The following CADM2 variants were observed in gnomAD, a reference collection of about 807,000 sequenced individuals.
CADM2 encodes cell adhesion molecule 2, also known as immunoglobulin superfamily member 4D.
CADM2 carries 12 observed loss-of-function variants against 49.8 expected under a neutral mutation model. The observed-to-expected ratio is 0.24, with a 90% CI of 0.15 to 0.39. The LOEUF (loss-of-function observed/expected upper bound fraction) is 0.39. Ranked by LOEUF, CADM2 falls within the 10% of genes least tolerant of loss-of-function variation. The pLI is 1.00. For synonymous variants in CADM2, 214 were observed against 175.4 expected (o/e 1.22, Z -1.74); for missense variants, 378 against 492.3 (o/e 0.77, Z 2.20).
At chr3:85,945,983 C>T (rs572645571) in intron 7 of CADM2, among the ~76,000 whole-genome samples, 1 of 152,170 alleles carries the variant, frequency 6.6e-6, no homozygotes, top group African/African-American at 2.4e-5. Context: ...AAGAGGAAGT[C>T]AAATTGTCCC....
At chr3:85,446,959 A>G (rs1017984272) in intron 1 of CADM2, among the ~76,000 whole-genome samples, 25 of 142,630 alleles carry the variant, frequency 1.8e-4, no homozygotes, top group Admixed American at 4.3e-4. Flanking sequence ...TGGTAGCTAA[A>G]TATTTAAATG....
chr3:86,006,256 A>G (rs1309865903), intron 8 of CADM2, among the ~76,000 whole-genome samples: 1 of 152,200 alleles, frequency 6.6e-6, no homozygotes, highest in Non-Finnish European at 1.5e-5. Context: ...CCACATTTTC[A>G]AGGAATTAAT....
chr3:85,206,298 T>A, intron 1 of CADM2, among the ~76,000 whole-genome samples: 1 of 151,280 alleles, frequency 6.6e-6, no homozygotes, highest in Non-Finnish European at 1.5e-5. Flanking sequence ...TTAGGTCTTT[T>A]TTTTTTTCTT....
rs1378425528 is a variant in CADM2 at position 85,497,885 on chromosome 3, T to TTG, written c.62-228627_62-228626dup. ...ATATCTATTATGTATCTATATGTAT[T>TTG]TGTGTGTGTGTTTGTATATATATAA... On this transcript the variant is annotated intron_variant, in intron 1 of 9. Transcript: ENST00000383699. 1.2e-4 allele frequency among the ~76,000 whole-genome samples: 19 copies of TTG among 152,118 alleles called. No individual in the cohort carries two copies. The South Asian group carries it at 3.5e-3, about 28-fold the overall frequency.
intron 6 of CADM2, among the ~76,000 whole-genome samples, chr3:85,929,778 T>C (rs1720363105): frequency 6.6e-6 from 1 of 152,058 alleles, no homozygotes; most frequent in Non-Finnish European, 1.5e-5. Flanking sequence ...TAACAAAGTA[T>C]AGTAGTTCTA....
At chr3:85,501,157 T>A (rs2040101347) in intron 1 of CADM2, among the ~76,000 whole-genome samples, 1 of 152,212 alleles carries the variant, frequency 6.6e-6, no homozygotes, top group Admixed American at 6.5e-5. Flanking sequence ...CACATCTTTA[T>A]ATCAAGCCTT....
At chr3:85,750,160 G>A (rs1211339810) in intron 2 of CADM2, among the ~76,000 whole-genome samples, 1 of 151,948 alleles carries the variant, frequency 6.6e-6, no homozygotes, top group Non-Finnish European at 1.5e-5. Flanking sequence ...AATATCAAAA[G>A]TTCAACCTTT....
chr3:85,393,796 C>A (rs186363464), intron 1 of CADM2, among the ~76,000 whole-genome samples: 1 of 151,876 alleles, frequency 6.6e-6, no homozygotes, highest in Non-Finnish European at 1.5e-5. Context: ...TATTTATTAT[C>A]AAAATATATT....
intron 1 of CADM2, among the ~76,000 whole-genome samples, chr3:85,335,932 AG>A (rs2045067618): frequency 6.6e-6 from 1 of 151,460 alleles, no homozygotes; most frequent in Non-Finnish European, 1.5e-5. Flanking sequence ...AACCATACAA[AG>A]ACAGCCTGTT....
At chr3:85,354,295 T>C (rs986294745) in intron 1 of CADM2, among the ~76,000 whole-genome samples, 5 of 135,460 alleles carry the variant, frequency 3.7e-5, no homozygotes, top group Admixed American at 2.6e-4. Context: ...TAGGTGGAAA[T>C]TGAACAATGA....
intron 1 of CADM2, among the ~76,000 whole-genome samples, chr3:85,675,649 C>A (rs2065869146): frequency 6.6e-6 from 1 of 152,056 alleles, no homozygotes; most frequent in African/African-American, 2.4e-5. Flanking sequence ...TGTTTAATGA[C>A]AATTTTTGAT....
intron 1 of CADM2, among the ~76,000 whole-genome samples, chr3:85,483,620 A>G (rs1016859531): frequency 4.0e-5 from 6 of 150,394 alleles, no homozygotes; most frequent in Admixed American, 6.7e-5. Flanking sequence ...TATAATGAGT[A>G]TAGTATTTAT....
At chr3:85,350,091 C>G (rs867684646) in intron 1 of CADM2, among the ~76,000 whole-genome samples, 1 of 152,152 alleles carries the variant, frequency 6.6e-6, no homozygotes, top group Non-Finnish European at 1.5e-5. Flanking sequence ...TAAAGGAACA[C>G]TAACGAGGAC....
chr3:84,999,423 G>C (rs1042099919), intron 1 of CADM2, among the ~76,000 whole-genome samples: 4 of 152,074 alleles, frequency 2.6e-5, no homozygotes, highest in African/African-American at 9.7e-5. Context: ...CCTGAACACA[G>C]TTTATCTAAC....
At chr3:85,778,250 T>C (rs2070455886) in intron 2 of CADM2, among the ~76,000 whole-genome samples, 3 of 152,196 alleles carry the variant, frequency 2.0e-5, no homozygotes, top group African/African-American at 7.2e-5. Context: ...CTCAGGAAGA[T>C]AAAGAAGAAT....
At chr3:85,227,277 C>G (rs1328233335) in intron 1 of CADM2, among the ~76,000 whole-genome samples, 1 of 152,034 alleles carries the variant, frequency 6.6e-6, no homozygotes, top group Non-Finnish European at 1.5e-5. Flanking sequence ...TTGTAGGTCT[C>G]TAAGAACTTG....
intron 1 of CADM2, among the ~76,000 whole-genome samples, chr3:85,338,074 G>C (rs2045138941): frequency 6.6e-6 from 1 of 151,604 alleles, no homozygotes; most frequent in South Asian, 2.1e-4. Flanking sequence ...ATTAACAGAT[G>C]CCTGTTTACT....
intron 2 of CADM2, among the ~76,000 whole-genome samples, chr3:85,773,306 A>G (rs189377255): frequency 6.6e-6 from 1 of 152,180 alleles, no homozygotes; most frequent in East Asian, 1.9e-4. Flanking sequence ...TTAGCCACAC[A>G]GTCACACTTA....
rs368281371 is a variant in CADM2 at position 85,153,727 on chromosome 3, C to T, written c.61+194059C>T. 1.4e-3 allele frequency among the ~76,000 whole-genome samples: 212 copies of T among 151,932 alleles called. 3 individuals carry two copies. The East Asian group carries it at 0.03, about 21-fold the overall frequency. ...GAAGAGAGCAGTGGTTCTCCCAGCA[C>T]GCAGCTGGAGATCTGAGAACGGGCA... On this transcript the variant is annotated intron_variant, in intron 1 of 9. Coordinates refer to ENST00000383699, the MANE Select transcript of CADM2 (RefSeq NM_001167675.2).
Sources: allele counts gnomAD v4.1 joint callset (sites outside exome capture counted in the v4.1 genomes callset), GRCh38; gene constraint gnomAD v4.1.1; transcripts MANE v1.5; gene names NCBI Gene and HGNC (gene_info 2026-07-23, HGNC 2026-07-21).